SLC35G2: variants seen among roughly 807,000 people sequenced by gnomAD.
The protein encoded by SLC35G2 is transmembrane protein 22.
A neutral mutation model predicts 27.2 loss-of-function variants in SLC35G2; 20 were observed. The ratio of observed to expected loss-of-function variants is 0.74; its 90% CI spans 0.52 to 1.07. The LOEUF (loss-of-function observed/expected upper bound fraction) is 1.07. Among genes scored for constraint, SLC35G2 ranks in the 50% least tolerant of loss-of-function variants. The pLI is 0.00. For synonymous variants in SLC35G2, 148 were observed against 165.3 expected, an observed-to-expected ratio of 0.90 and a Z score of 0.80; for missense variants, 416 against 493.3, an observed-to-expected ratio of 0.84 and a Z score of 1.48.
At chr3:136,830,942 G>A (rs1936716286) in intron 1 of SLC35G2, among the ~76,000 whole-genome samples, 1 of 152,018 alleles carries the variant, frequency 6.6e-6, no homozygotes, top group African/African-American at 2.4e-5. Flanking sequence ...ACTAAATTTT[G>A]TTTAATCATT....
At position 136,855,327 on chromosome 3, in the gene SLC35G2, T is replaced by C; in HGVS notation, c.867T>C (p.Phe289=). ...AGATCAGCATGTGGACTGCACTGTT[T>C]ACTTTTGGTTGGACTGGGACAATTT... ...KEKISMWTAL[F]TFGWTGTIWG... Residue 289 remains phenylalanine, a synonymous_variant, in exon 2 of 2, where the codon TTT becomes TTC. Coordinates refer to ENST00000446465, the MANE Select transcript of SLC35G2 (RefSeq NM_025246.3). The C allele has an allele frequency of 6.2e-7, 1 of 1,614,248 alleles. No individual in the cohort carries two copies. Among genetic ancestry groups the C allele is most frequent in the Non-Finnish European group, 8.5e-7 (1 of 1,180,038 alleles).
At chr3:136,852,789 G>A (rs547913794) in intron 1 of SLC35G2, among the ~76,000 whole-genome samples, 18 of 152,028 alleles carry the variant, frequency 1.2e-4, no homozygotes, top group South Asian at 6.3e-4. Flanking sequence ...CAGCGTGCCT[G>A]GTCTCTTTTT....
chr3:136,832,276 A>C (rs1349491136), intron 1 of SLC35G2, among the ~76,000 whole-genome samples: 1 of 152,172 alleles, frequency 6.6e-6, no homozygotes, highest in African/African-American at 2.4e-5. Context: ...GGCCTCCCAA[A>C]ATGCTGGGAT....
chr3:136,822,511 C>T (rs1936480325), intron 1 of SLC35G2, among the ~76,000 whole-genome samples: 1 of 152,130 alleles, frequency 6.6e-6, no homozygotes, highest in South Asian at 2.1e-4. Context: ...GATGGGGTTT[C>T]ACCACGTTTG....
At chr3:136,837,995 A>G (rs1380547814) in intron 1 of SLC35G2, 1 of 151,840 alleles carries the variant, frequency 6.6e-6, no homozygotes, top group Non-Finnish European at 1.5e-5. Context: ...GGCGGGAGTC[A>G]CCACGCCCAG....
chr3:136,853,400 A>G (rs1057248353), intron 1 of SLC35G2, among the ~76,000 whole-genome samples: 1 of 152,086 alleles, frequency 6.6e-6, no homozygotes, highest in Non-Finnish European at 1.5e-5. Context: ...CACCGTGCCT[A>G]CACTGTCATT....
At position 136,855,146 on chromosome 3, in the gene SLC35G2, G is replaced by C. The variant is rs760520671; in HGVS notation, c.686G>C (p.Ser229Thr). ...AYVDMATVVCSILGVCLVMIP... is the reference protein window; with the variant it reads ...AYVDMATVVCTILGVCLVMIP... ...GTTGACATGGCTACAGTTGTTTGCA[G>C]CATCTTAGGTGTTTGTCTTGTCATG... Residue 229 changes from serine (S) to threonine (T), a missense_variant, in exon 2 of 2, where the codon AGC (serine) becomes ACC (threonine). Transcript: ENST00000446465. 2 of 1,614,164 alleles carry C rather than the reference G, an allele frequency of 1.2e-6. No homozygotes were observed. The highest frequency in any genetic ancestry group is 1.6e-4 in the Middle Eastern group (1 of 6,062).
At chr3:136,827,994 T>C (rs1347364026) in intron 1 of SLC35G2, among the ~76,000 whole-genome samples, 3 of 152,126 alleles carry the variant, frequency 2.0e-5, no homozygotes, top group Non-Finnish European at 2.9e-5. Flanking sequence ...GCCCAGCTAA[T>C]TTTTGCATTT....
Position 136,855,225 on chromosome 3 carries a change from CT to C in SLC35G2, c.768del (p.Phe256LeufsTer5). The C allele has an allele frequency of 6.2e-7, 1 of 1,614,176 alleles. No individual in the cohort carries two copies. The highest frequency in any genetic ancestry group is 8.5e-7 in the Non-Finnish European group (1 of 1,180,028). On this transcript the variant is annotated frameshift_variant, in exon 2 of 2. Coordinates refer to ENST00000446465, the MANE Select transcript of SLC35G2 (RefSeq NM_025246.3). LOFTEE classifies it high-confidence loss of function. ...CTTTGTTAAATGCCTGGAAAGAAGCCTTTGGGTACACCATGACTGTGATGGC... is the reference window on the plus strand; with the variant it reads ...CTTTGTTAAATGCCTGGAAAGAAGCCTTGGGTACACCATGACTGTGATGGC... ...NSLLNAWKEA[F>X]GYTMTVMAGL...
At chr3:136,821,434 C>A (rs1055373545) in intron 1 of SLC35G2, among the ~76,000 whole-genome samples, 1 of 151,956 alleles carries the variant, frequency 6.6e-6, no homozygotes, top group African/African-American at 2.4e-5. Flanking sequence ...AACATGAGAT[C>A]TATCCTCTGA....
At chr3:136,826,308 A>G (rs1418598026) in intron 1 of SLC35G2, among the ~76,000 whole-genome samples, 1 of 151,272 alleles carries the variant, frequency 6.6e-6, no homozygotes, top group Non-Finnish European at 1.5e-5. Context: ...AAGTGCTGGG[A>G]TTACAGGCAT....
rs1282328235 is a variant in SLC35G2 at position 136,844,488 on chromosome 3, C to CAA, written c.-18-9941_-18-9940dup. 1.3e-3 allele frequency among the ~76,000 whole-genome samples: 102 copies of CAA among 79,848 alleles called. 1 individual carries two copies. The highest frequency in any genetic ancestry group is 4.2e-3 in the African/African-American group (90 of 21,310). The allele number at this position is 79,848 out of a possible 152,430, so 52.4% of individuals were successfully genotyped here. A position where few individuals can be genotyped will look rare whatever the true frequency, so the allele number is the denominator to read the frequency against. The stretch of plus-strand genomic sequence containing the variant: ...TGGGAGACAGAGCGAGACTCCGTCT[C>CAA]AAAAAAAAAAAAAAACAACAAATTT... On this transcript the variant is annotated intron_variant, in intron 1 of 1. Coordinates refer to ENST00000446465, the MANE Select transcript of SLC35G2 (RefSeq NM_025246.3).
At chr3:136,830,257 C>G (rs746341230) in intron 1 of SLC35G2, among the ~76,000 whole-genome samples, 1 of 151,492 alleles carries the variant, frequency 6.6e-6, no homozygotes, top group African/African-American at 2.4e-5. Flanking sequence ...TACAGGCACA[C>G]ACCACCATGC....
At chr3:136,841,824 A>G (rs1308374159) in intron 1 of SLC35G2, 1 of 152,126 alleles carries the variant, frequency 6.6e-6, no homozygotes, top group Non-Finnish European at 1.5e-5. Flanking sequence ...TTTAGCATAA[A>G]TACCTAAGAG....
chr3:136,846,940 G>A (rs1560017873), intron 1 of SLC35G2, among the ~76,000 whole-genome samples: 2 of 152,114 alleles, frequency 1.3e-5, no homozygotes, highest in Non-Finnish European at 2.9e-5. Flanking sequence ...GCTAAGGCGA[G>A]TGAATCACCT....
At chr3:136,840,759 G>A (rs1452284300) in intron 1 of SLC35G2, among the ~76,000 whole-genome samples, 1 of 151,872 alleles carries the variant, frequency 6.6e-6, no homozygotes, top group Non-Finnish European at 1.5e-5. Context: ...TGGTAGCTGG[G>A]ACTATAGGCG....
intron 1 of SLC35G2, among the ~76,000 whole-genome samples, chr3:136,837,132 TACACACACACAACAC>T (rs1560013255): frequency 6.6e-6 from 1 of 150,640 alleles, no homozygotes; most frequent in Admixed American, 6.6e-5. Flanking sequence ...AGTATGTATC[TACACACACACAACAC>T]ACACACACAC....
intron 1 of SLC35G2, among the ~76,000 whole-genome samples, chr3:136,830,322 G>A (rs897431219): frequency 1.9e-4 from 29 of 148,980 alleles, no homozygotes; most frequent in African/African-American, 6.5e-4. Context: ...TTGCTCTATC[G>A]CCCGAGCTGG....
intron 1 of SLC35G2, among the ~76,000 whole-genome samples, chr3:136,845,210 T>A (rs1183387934): frequency 6.6e-6 from 1 of 152,240 alleles, no homozygotes; most frequent in Admixed American, 6.5e-5. Context: ...TTTCTTTGTT[T>A]TCCCACATTT....
Sources: allele counts gnomAD v4.1 joint callset (sites outside exome capture counted in the v4.1 genomes callset), GRCh38; gene constraint gnomAD v4.1.1; transcripts MANE v1.5; gene names NCBI Gene and HGNC (gene_info 2026-07-23, HGNC 2026-07-21).